Variants in RGS12 observed in about 807,000 individuals in gnomAD.
The protein encoded by RGS12 is regulator of G protein signaling 12.
RGS12 carries 66 observed loss-of-function variants against 120.1 expected under a neutral mutation model. The ratio of observed to expected loss-of-function variants is 0.55; its 90% CI spans 0.45 to 0.67. The LOEUF is 0.67. Among genes scored for constraint, RGS12 ranks in the 30% least tolerant of loss-of-function variants. The probability of loss-of-function intolerance (pLI) is 0.00; values close to 1 mark genes in which losing one functional copy is unlikely to be tolerated. For synonymous variants in RGS12, 827 were observed against 804.7 expected, an observed-to-expected ratio of 1.03 and a Z score of -0.47; for missense variants, 1,859 against 1,957.7, an observed-to-expected ratio of 0.95 and a Z score of 0.95.
the RGS12 span, among the ~76,000 whole-genome samples, chr4:3,286,922 G>T: frequency 6.6e-6 from 1 of 152,174 alleles, no homozygotes; most frequent in Non-Finnish European, 1.5e-5. Flanking sequence ...GTGGAATTCC[G>T]CCCAGGCCGG....
At chr4:3,342,333 A>G (rs1455284967) in intron 2 of RGS12, 27 of 1,077,998 alleles carry the variant, frequency 2.5e-5, no homozygotes, top group Non-Finnish European at 3.1e-5. Context: ...TAGCATAATG[A>G]TGGGCACAAC....
chr4:3,396,322 T>A (rs900320472), intron 4 of RGS12, among the ~76,000 whole-genome samples: 1 of 152,228 alleles, frequency 6.6e-6, no homozygotes, highest in African/African-American at 2.4e-5. Flanking sequence ...CAGTTTATCA[T>A]TTTTCCCCTT....
At chr4:3,435,600 T>C (rs575786330) in intron 17 of RGS12, among the ~76,000 whole-genome samples, 139 of 137,888 alleles carry the variant, frequency 1.0e-3, no homozygotes, top group African/African-American at 3.7e-3. Context: ...CCCCAGCATC[T>C]CCTGGCTCCT....
intron 17 of RGS12, chr4:3,431,393 T>G: frequency 9.9e-7 from 1 of 1,010,944 alleles, no homozygotes; most frequent in Non-Finnish European, 1.2e-6. Context: ...GCTGTGTTCA[T>G]AGCAGGAGAG....
chr4:3,417,279 C>T (rs1400250189), intron 8 of RGS12, 109 bp from the exon 9 acceptor site: 1 of 1,340,918 alleles, frequency 7.5e-7, no homozygotes, highest in South Asian at 1.5e-5. Context: ...AGAAGTGATA[C>T]CATCCCATAG....
Position 3,414,192 on chromosome 4 carries a change from T to A in RGS12, c.2141T>A (p.Val714Glu). Reference sequence around the variant, plus strand: ...GAGAGGAGGGTCGCCAGCTGGGCCGTGTCCTTTGAGCGCCTGCTGCAGGAC... The same window carrying A: ...GAGAGGAGGGTCGCCAGCTGGGCCGAGTCCTTTGAGCGCCTGCTGCAGGAC... ...LRERRVASWA[V>E]SFERLLQDPV... Residue 714 changes from valine to glutamate, a missense_variant, in exon 5 of 18, where the codon GTG (valine) becomes GAG (glutamate). Val to Glu is a moderately radical substitution (Grantham distance 121). Coordinates refer to ENST00000336727, the MANE Select transcript of RGS12 (RefSeq NM_001394154.1). 6.4e-7 allele frequency: 1 copy of A among 1,551,138 alleles called. No individual in the cohort carries two copies.
At chr4:3,393,454 T>C (rs886639103) in intron 4 of RGS12, among the ~76,000 whole-genome samples, 4 of 152,100 alleles carry the variant, frequency 2.6e-5, no homozygotes, top group Admixed American at 6.5e-5. Flanking sequence ...ACCCTGGCCT[T>C]CCCCGATTCT....
intron 4 of RGS12, among the ~76,000 whole-genome samples, chr4:3,396,914 GT>G (rs533448613): frequency 0.065 from 9,500 of 145,824 alleles, 412 homozygotes; most frequent in Middle Eastern, 0.13. Flanking sequence ...GACAATTGGG[GT>G]TTTTTTTTTT....
At chr4:3,343,645 C>A (rs1713486885) in intron 3 of RGS12, among the ~76,000 whole-genome samples, 1 of 151,968 alleles carries the variant, frequency 6.6e-6, no homozygotes, top group Non-Finnish European at 1.5e-5. Context: ...AGGGTTCCTG[C>A]CCGTGCTGTC....
chr4:3,438,813 CT>C (rs1447572265), intron 17 of RGS12, among the ~76,000 whole-genome samples: 2 of 152,074 alleles, frequency 1.3e-5, no homozygotes, highest in African/African-American at 4.8e-5. Flanking sequence ...GCAAGAGTCA[CT>C]GACCAGCCGG....
Position 3,317,771 on chromosome 4 carries a change from A to T in RGS12, c.1601A>T (p.Asn534Ile). 6.2e-7 allele frequency: 1 copy of T among 1,613,448 alleles called. No individual in the cohort carries two copies. The highest frequency in any genetic ancestry group is 2.2e-5 in the East Asian group (1 of 44,864). The part of the protein sequence containing the change: ...RGTVGAGCGF[N>I]QRWLPVHVLR... ...ACCGTGGGTGCTGGCTGTGGTTTCA[A>T]CCAGCGCTGGCTCCCGGTCCACGTG... Residue 534 changes from asparagine to isoleucine, a missense_variant, in exon 2 of 18, where the codon AAC (asparagine) becomes ATC (isoleucine). Physicochemically the swap from Asn to Ile is moderately radical, Grantham distance 149. Around this residue, in one of 3 missense-constraint regions of RGS12, gnomAD observed 967 missense variants for 994.2 expected, o/e 0.97. Coordinates refer to ENST00000336727, the MANE Select transcript of RGS12 (RefSeq NM_001394154.1).
intron 3 of RGS12, among the ~76,000 whole-genome samples, chr4:3,360,049 T>C (rs1206850824): frequency 6.6e-6 from 1 of 152,210 alleles, no homozygotes; most frequent in Non-Finnish European, 1.5e-5. Flanking sequence ...CTTGAGCCAC[T>C]GCGCCTGGCG....
chr4:3,307,636 C>T (rs759414023), intron 1 of RGS12, among the ~76,000 whole-genome samples: 8 of 152,224 alleles, frequency 5.3e-5, no homozygotes, highest in East Asian at 1.9e-4. Context: ...GCGTGGATCG[C>T]GCACCTGCCC....
At chr4:3,435,745 C>T (rs1577112792) in intron 17 of RGS12, among the ~76,000 whole-genome samples, 1 of 152,062 alleles carries the variant, frequency 6.6e-6, no homozygotes, top group African/African-American at 2.4e-5. Context: ...GCTCCCCCTC[C>T]TCCCCTGAAG....
At chr4:3,406,305 G>A (rs1191442194) in intron 4 of RGS12, among the ~76,000 whole-genome samples, 1 of 152,258 alleles carries the variant, frequency 6.6e-6, no homozygotes, top group Admixed American at 6.5e-5. Flanking sequence ...AGGCCAAGAA[G>A]CACATGATGG....
upstream of RGS12, among the ~76,000 whole-genome samples, chr4:3,290,102 C>T (rs886974662): frequency 6.6e-6 from 1 of 152,162 alleles, no homozygotes; most frequent in Non-Finnish European, 1.5e-5. Flanking sequence ...TGAGTGGTGC[C>T]GTGCTGAGCC....
intron 2 of RGS12, among the ~76,000 whole-genome samples, chr4:3,328,875 T>C (rs542375778): frequency 1.6e-4 from 24 of 152,146 alleles, no homozygotes; most frequent in Non-Finnish European, 3.4e-4. Flanking sequence ...AGCAAAGTCA[T>C]GGGGTGTGTG....
intron 2 of RGS12, among the ~76,000 whole-genome samples, chr4:3,340,822 C>T (rs1022517908): frequency 3.9e-5 from 6 of 152,254 alleles, no homozygotes; most frequent in South Asian, 2.1e-4. Context: ...ACGGCGTGCA[C>T]GGGGGCCTGC....
At chr4:3,438,131 C>G (rs538049659) in intron 17 of RGS12, among the ~76,000 whole-genome samples, 1 of 152,046 alleles carries the variant, frequency 6.6e-6, no homozygotes, top group African/African-American at 2.4e-5. Context: ...TCTCATGTGC[C>G]GGGGGCTGGC....
Sources: gnomAD v4.1 joint callset for allele counts (sites outside exome capture counted in the v4.1 genomes callset) on GRCh38, gnomAD v4.1.1 for gene constraint, gnomAD v4.1.1 regional missense constraint, MANE v1.5 for transcripts, NCBI Gene and HGNC (gene_info 2026-07-23, HGNC 2026-07-21) for gene names.